Variants in PDE4DIP observed in about 807,000 individuals in gnomAD.
PDE4DIP encodes phosphodiesterase 4D interacting protein.
A neutral mutation model predicts 221.4 loss-of-function variants in PDE4DIP; 59 were observed. The observed-to-expected ratio is 0.27, with a 90% CI of 0.22 to 0.33. The LOEUF (loss-of-function observed/expected upper bound fraction) is 0.33. Ranked by LOEUF, PDE4DIP falls within the 10% of genes least tolerant of loss-of-function variation. The pLI, the probability that PDE4DIP is intolerant of heterozygous loss-of-function variation, is 1.00. For synonymous variants in PDE4DIP, 404 were observed against 815.9 expected (o/e 0.50, Z 8.60); for missense variants, 1,036 against 2,154.2 (o/e 0.48, Z 10.28).
At chr1:148,971,512 GATATAC>G (rs1212847930) in intron 14 of PDE4DIP, among the ~76,000 whole-genome samples, 301 of 152,214 alleles carry the variant, frequency 2.0e-3, no homozygotes, top group South Asian at 0.015. Flanking sequence ...ATGATGTGTT[GATATAC>G]ATATACATTT....
intron 5 of PDE4DIP, among the ~76,000 whole-genome samples, chr1:148,940,756 G>A (rs1307302926): frequency 1.4e-5 from 2 of 147,630 alleles, no homozygotes; most frequent in Non-Finnish European, 3.0e-5. Context: ...ATATTTCCTT[G>A]TTTCTCCCTT....
chr1:148,949,716 C>T (rs2052675708), intron 5 of PDE4DIP, among the ~76,000 whole-genome samples: 1 of 151,968 alleles, frequency 6.6e-6, no homozygotes, highest in African/African-American at 2.4e-5. Flanking sequence ...ATCTACATAC[C>T]AGTGATCTTT....
At chr1:148,981,391 A>C in exon 21 of PDE4DIP, 1 of 1,614,030 alleles carries the variant, frequency 6.2e-7, no homozygotes, top group Non-Finnish European at 8.5e-7. Context: ...CCTGGCCGCC[A>C]TTGGAGGTGG....
Position 148,962,418 on chromosome 1 carries a change from C to G in PDE4DIP, c.982-10C>G, listed in dbSNP as rs782477704. The G allele has an allele frequency of 3.9e-6, 3 of 770,928 alleles. No individual in the cohort carries two copies. The East Asian group carries it at 7.4e-5, about 19-fold the overall frequency. 47.8% of individuals were successfully genotyped at this position (770,928 alleles called of 1,614,324 possible). ...CCTCCTTGTGATTGTGATTTCTACT[C>G]TCTTTTCAGAGCTCAGAGGGTACTT... On this transcript the variant is annotated splice_polypyrimidine_tract_variant and intron_variant, in intron 8 of 43. Coordinates refer to ENST00000369354, the Ensembl canonical transcript of PDE4DIP.
In PDE4DIP at chr1:148,912,098, T is replaced by C. The variant is rs1553454873; in HGVS notation, c.142-17099T>C. On this transcript the variant is annotated intron_variant, in intron 1 of 43. Transcript: ENST00000369354. ...GTTTGTGGACCACACTACCTTTTACTTTTTTTTTTTGAAAGGATGGGATGG... is the reference window on the plus strand; with the variant it reads ...GTTTGTGGACCACACTACCTTTTACCTTTTTTTTTTGAAAGGATGGGATGG... Among the ~76,000 whole-genome samples the C allele has an allele frequency of 2.3e-5, 3 of 132,518 alleles. 1 individual carries two copies. The highest frequency in any genetic ancestry group is 5.5e-5 in the African/African-American group (2 of 36,158). The allele number at this position is 132,518 out of a possible 152,430, so 86.9% of individuals were successfully genotyped here.
At chr1:148,813,726 G>C (rs1221354417) in intron 1 of PDE4DIP, among the ~76,000 whole-genome samples, 20 of 105,180 alleles carry the variant, frequency 1.9e-4, no homozygotes, top group Non-Finnish European at 3.6e-4. Context: ...TGATCCATTT[G>C]AGTTAACTTT....
chr1:148,941,404 A>C (rs1553479693), intron 5 of PDE4DIP, among the ~76,000 whole-genome samples: 1 of 122,754 alleles, frequency 8.1e-6, no homozygotes, highest in Non-Finnish European at 1.7e-5. Flanking sequence ...GAGAATGATA[A>C]AATATATAGC....
At chr1:148,976,330 G>A (rs1184694783) in intron 17 of PDE4DIP, among the ~76,000 whole-genome samples, 1 of 152,200 alleles carries the variant, frequency 6.6e-6, no homozygotes, top group East Asian at 1.9e-4. Flanking sequence ...TAGCCTAGTG[G>A]CTCTGAGTCA....
intron 4 of PDE4DIP, among the ~76,000 whole-genome samples, chr1:148,933,573 T>C (rs2048539512): frequency 6.6e-6 from 1 of 152,158 alleles, no homozygotes; most frequent in South Asian, 2.1e-4. Flanking sequence ...CAACAACAAA[T>C]TGGCAAATAA....
chr1:148,991,440 C>A, intron 21 of PDE4DIP: 2 of 180,194 alleles, frequency 1.1e-5, no homozygotes, highest in African/African-American at 4.7e-5. Flanking sequence ...CTATGCACAA[C>A]TGATCCCAAC....
intron 1 of PDE4DIP, among the ~76,000 whole-genome samples, chr1:148,893,067 G>GTGTA (rs1699280506): frequency 4.9e-5 from 1 of 20,422 alleles, no homozygotes; most frequent in Non-Finnish European, 9.4e-5. Context: ...GTGTGTGTCT[G>GTGTA]TGTGTGTGTG....
chr1:148,939,493 G>GA (rs1302460797), intron 5 of PDE4DIP, among the ~76,000 whole-genome samples: 1 of 147,110 alleles, frequency 6.8e-6, no homozygotes, highest in Non-Finnish European at 1.5e-5. Flanking sequence ...ATGAGGGCAG[G>GA]AAAAAATTAC....
At chr1:148,986,362 C>G (rs2061903469) in intron 21 of PDE4DIP, 1 of 152,090 alleles carries the variant, frequency 6.6e-6, no homozygotes, top group Non-Finnish European at 1.5e-5. Context: ...TTTCTGTTAA[C>G]ATTTGTGCTA....
chr1:148,840,332 A>AT (rs11451563), intron 1 of PDE4DIP, among the ~76,000 whole-genome samples: 4,546 of 78,610 alleles, frequency 0.058, 181 homozygotes, highest in East Asian at 0.089. Flanking sequence ...CTTTTTATTT[A>AT]TTTTTTTTTT....
chr1:149,031,955 A>G (rs375966731), exon 44 of PDE4DIP: 2 of 1,608,258 alleles, frequency 1.2e-6, no homozygotes, highest in South Asian at 1.1e-5. Context: ...TGAAATCCCT[A>G]AGGGCTCTGC....
At chr1:148,919,837 G>A (rs1230011624) in intron 1 of PDE4DIP, among the ~76,000 whole-genome samples, 1 of 149,526 alleles carries the variant, frequency 6.7e-6, no homozygotes, top group African/African-American at 2.5e-5. Flanking sequence ...TGATTAGGAT[G>A]GGATTTGGTC....
rs1369642427 is a variant in PDE4DIP at position 148,952,042 on chromosome 1, T to C, written c.637-8612T>C. The C allele has an allele frequency of 3.0e-6, 3 of 1,009,354 alleles. No individual in the cohort carries two copies. The African/African-American group carries it at 5.2e-5, about 17-fold the overall frequency. 62.5% of individuals were successfully genotyped at this position (1,009,354 alleles called of 1,614,324 possible). A position where few individuals can be genotyped will look rare whatever the true frequency, so the allele number is the denominator to read the frequency against. On this transcript the variant is annotated intron_variant, in intron 5 of 43. Transcript: ENST00000369354. ...CTGCCCCGCTGGCAGCCGGAGGACG[T>C]GGCACTGTCCGAGAATGCAGGGAGG... is the stretch of plus-strand genomic sequence containing the variant.
At chr1:149,021,688 G>C (rs1191302255) in intron 37 of PDE4DIP, 2 of 149,668 alleles carry the variant, frequency 1.3e-5, no homozygotes, top group Non-Finnish European at 3.0e-5. Context: ...AATAGCTTAA[G>C]TACAAAGTCA....
chr1:148,968,739 A>C (rs1223209509), intron 13 of PDE4DIP, 97 bp from the exon 17 acceptor site: 10 of 685,400 alleles, frequency 1.5e-5, no homozygotes, highest in Non-Finnish European at 2.5e-5. Context: ...CAAGAATCTC[A>C]CACCTCCTTC....
Sources: gnomAD v4.1 joint callset for allele counts (sites outside exome capture counted in the v4.1 genomes callset) on GRCh38, gnomAD v4.1.1 for gene constraint, MANE v1.5 for transcripts, NCBI Gene and HGNC (gene_info 2026-07-23, HGNC 2026-07-21) for gene names.